The following ASTN2 variants were observed in gnomAD, a reference collection of about 807,000 sequenced individuals.
The protein encoded by ASTN2 is astrotactin 2.
ASTN2 carries 54 observed loss-of-function variants against 139.8 expected under a neutral mutation model. The ratio of observed to expected loss-of-function variants is 0.39; its 90% CI spans 0.31 to 0.48. ASTN2 has a LOEUF of 0.48. Among genes scored for constraint, ASTN2 ranks in the 20% least tolerant of loss-of-function variants. The probability of loss-of-function intolerance (pLI) is 0.95; values close to 1 mark genes in which losing one functional copy is unlikely to be tolerated. For missense variants in ASTN2, 1,565 were observed against 1,725.1 expected, an observed-to-expected ratio of 0.91 and a Z score of 1.64; for synonymous variants, 756 against 719.5, an observed-to-expected ratio of 1.05 and a Z score of -0.81.
rs1855816806 is a variant in ASTN2, at chr9:116,615,745, C to T, written c.3355+2579G>A. On this transcript the variant is annotated intron_variant, in intron 19 of 22. Coordinates refer to ENST00000313400, the MANE Select transcript of ASTN2 (RefSeq NM_001365068.1). ...TGTCATGGGGTGGGGGCAGGGGGGACGGATAGCATTAGGAGATATACCTAA... is the reference window on the plus strand; with the variant it reads ...TGTCATGGGGTGGGGGCAGGGGGGATGGATAGCATTAGGAGATATACCTAA... Among the ~76,000 whole-genome samples, 3 of 149,560 alleles carry T rather than the reference C, an allele frequency of 2.0e-5. No homozygotes were observed. The South Asian group carries it at 6.4e-4, about 32-fold the overall frequency.
At chr9:117,151,972 G>C (rs1024907602) in intron 3 of ASTN2, among the ~76,000 whole-genome samples, 4 of 152,098 alleles carry the variant, frequency 2.6e-5, no homozygotes, top group African/African-American at 9.7e-5. Flanking sequence ...GCAGAGTGTA[G>C]GGATCTGGAC....
At chr9:116,773,429 G>A (rs375697838) in intron 13 of ASTN2, among the ~76,000 whole-genome samples, 21 of 152,200 alleles carry the variant, frequency 1.4e-4, no homozygotes, top group African/African-American at 4.6e-4. Flanking sequence ...CTGTAGTCAG[G>A]TGGGGAGGTC....
intron 2 of ASTN2, among the ~76,000 whole-genome samples, chr9:117,279,409 G>C (rs186916675): frequency 6.6e-6 from 1 of 152,160 alleles, no homozygotes; most frequent in African/African-American, 2.4e-5. Context: ...AATATCAATA[G>C]TATCATTAAT....
At chr9:116,530,175 A>C in intron 19 of ASTN2, among the ~76,000 whole-genome samples, 1 of 139,324 alleles carries the variant, frequency 7.2e-6, no homozygotes, top group Non-Finnish European at 1.5e-5. Flanking sequence ...TTAATCCTTA[A>C]AAAGAAGAAA....
chr9:116,923,889 G>A (rs1834680778), intron 10 of ASTN2, among the ~76,000 whole-genome samples: 1 of 152,118 alleles, frequency 6.6e-6, no homozygotes. Context: ...CTAAGAGAAG[G>A]CACTTGCTGA....
intron 10 of ASTN2, among the ~76,000 whole-genome samples, chr9:116,904,208 A>G (rs1834096473): frequency 1.3e-5 from 2 of 152,126 alleles, no homozygotes; most frequent in African/African-American, 4.8e-5. Flanking sequence ...TGGCATACAT[A>G]CGGTAGAAAT....
intron 19 of ASTN2, among the ~76,000 whole-genome samples, chr9:116,604,901 T>A (rs1855108172): frequency 6.6e-6 from 1 of 151,826 alleles, no homozygotes; most frequent in South Asian, 2.1e-4. Flanking sequence ...GAACTGAGAG[T>A]GGATACAGAT....
chr9:116,611,173 C>T (rs1855521261), intron 19 of ASTN2: 1 of 152,000 alleles, frequency 6.6e-6, no homozygotes, highest in African/African-American at 2.4e-5. Context: ...TGGCATGCCT[C>T]TAAATAACTC....
intron 5 of ASTN2, among the ~76,000 whole-genome samples, chr9:117,078,988 G>A (rs1006164619): frequency 1.3e-5 from 2 of 152,080 alleles, no homozygotes; most frequent in African/African-American, 2.4e-5. Context: ...TGCCTGCCTC[G>A]GCCTCCCAAA....
chr9:116,823,013 C>T (rs555346138), intron 11 of ASTN2, among the ~76,000 whole-genome samples: 11 of 152,232 alleles, frequency 7.2e-5, no homozygotes, highest in East Asian at 1.9e-4. Flanking sequence ...GGCCACAAAC[C>T]GATCGATGCT....
chr9:116,703,659 T>A (rs1037194917), intron 16 of ASTN2, among the ~76,000 whole-genome samples: 5 of 151,208 alleles, frequency 3.3e-5, no homozygotes, highest in African/African-American at 1.2e-4. Context: ...CGCACCAGCA[T>A]GGCACATGTA....
chr9:116,784,929 C>CAAAAAA (rs58241855), intron 13 of ASTN2, among the ~76,000 whole-genome samples: 1 of 104,172 alleles, frequency 9.6e-6, no homozygotes. Context: ...AACTCCGCCT[C>CAAAAAA]AAAAAAAAAA....
At chr9:117,313,377 G>A (rs1040726023) in intron 1 of ASTN2, among the ~76,000 whole-genome samples, 4 of 152,170 alleles carry the variant, frequency 2.6e-5, no homozygotes, top group African/African-American at 9.7e-5. Flanking sequence ...GCTGCTCAAT[G>A]GGGCCTCAGG....
chr9:116,508,882 G>A (rs1011601581), intron 19 of ASTN2, among the ~76,000 whole-genome samples: 1 of 152,136 alleles, frequency 6.6e-6, no homozygotes, highest in African/African-American at 2.4e-5. Flanking sequence ...GGGATATTGG[G>A]CAAGGAAGAG....
At chr9:116,846,316 T>A (rs1365585488) in intron 11 of ASTN2, among the ~76,000 whole-genome samples, 1 of 152,218 alleles carries the variant, frequency 6.6e-6, no homozygotes, top group Non-Finnish European at 1.5e-5. Context: ...ACTGTTCACT[T>A]CAAATGCTTA....
intron 19 of ASTN2, chr9:116,582,290 T>C (rs573867661): frequency 6.6e-6 from 1 of 152,368 alleles, no homozygotes; most frequent in East Asian, 1.9e-4. Flanking sequence ...GACTGTATTA[T>C]AAACTTTGAA....
chr9:117,384,123 A>AGCT (rs1184539557), intron 1 of ASTN2, among the ~76,000 whole-genome samples: 1 of 152,078 alleles, frequency 6.6e-6, no homozygotes, highest in African/African-American at 2.4e-5. Context: ...GGTGGGACTG[A>AGCT]GCTGCTGGGC....
chr9:117,386,668 G>A (rs763636828), intron 1 of ASTN2, among the ~76,000 whole-genome samples: 3 of 152,064 alleles, frequency 2.0e-5, no homozygotes, highest in African/African-American at 2.4e-5. Flanking sequence ...GTCCTAGGAC[G>A]GCAAGGTCCC....
At chr9:117,379,350 G>A (rs575149268) in intron 1 of ASTN2, among the ~76,000 whole-genome samples, 4 of 152,242 alleles carry the variant, frequency 2.6e-5, no homozygotes, top group Non-Finnish European at 5.9e-5. Flanking sequence ...CTGGTGAGGA[G>A]AGTTACTAAA....
Sources: gnomAD v4.1 joint callset for allele counts (sites outside exome capture counted in the v4.1 genomes callset) on GRCh38, gnomAD v4.1.1 for gene constraint, MANE v1.5 for transcripts, NCBI Gene and HGNC (gene_info 2026-07-23, HGNC 2026-07-21) for gene names.